The following ZNF704 variants were observed in gnomAD, a reference collection of about 807,000 sequenced individuals.
ZNF704 encodes glucocorticoid induced gene 1.
Under a neutral mutation model 44.7 loss-of-function variants are expected in ZNF704, and 10 were observed. That is an observed-to-expected ratio of 0.22 (90% CI 0.14 to 0.38). The LOEUF (loss-of-function observed/expected upper bound fraction) is 0.38, where lower values mean the gene tolerates loss of function less well. Ranked by LOEUF, ZNF704 falls within the 10% of genes least tolerant of loss-of-function variation. ZNF704 has a pLI of 1.00. For missense variants in ZNF704, 390 were observed against 545.5 expected (o/e 0.71, Z 2.84); for synonymous variants, 211 against 207.6 (o/e 1.02, Z -0.14).
rs187727341 is a variant in ZNF704, at chr8:80,754,997, C to A, written c.222-61890G>T. ...TAGTAAATTAGTAAAAAATTAACAA[C>A]AATTAGCAGAAGATAATAGGGTAAA... On this transcript the variant is annotated intron_variant, in intron 2 of 8. Coordinates refer to ENST00000327835, the MANE Select transcript of ZNF704 (RefSeq NM_001033723.3). Among the ~76,000 whole-genome samples the A allele has an allele frequency of 3.2e-4, 48 of 152,224 alleles. 1 individual carries two copies. In the East Asian group the frequency reaches 8.9e-3, roughly 28 times the overall value.
chr8:80,652,596 C>T (rs1344722691), intron 7 of ZNF704, among the ~76,000 whole-genome samples: 1 of 152,176 alleles, frequency 6.6e-6, no homozygotes, highest in Non-Finnish European at 1.5e-5. Context: ...TCGACACACA[C>T]ACCCTCCCAA....
At chr8:80,800,474 C>T (rs1482080617) in intron 2 of ZNF704, among the ~76,000 whole-genome samples, 3 of 152,166 alleles carry the variant, frequency 2.0e-5, no homozygotes, top group African/African-American at 7.2e-5. Flanking sequence ...TCAGCAGAAA[C>T]CGTACAAGCC....
intron 1 of ZNF704, among the ~76,000 whole-genome samples, chr8:80,837,910 T>C (rs1167904540): frequency 3.3e-5 from 5 of 152,126 alleles, no homozygotes; most frequent in African/African-American, 9.7e-5. Flanking sequence ...AACATCTATC[T>C]TTGACTTTTC....
intron 1 of ZNF704, among the ~76,000 whole-genome samples, chr8:80,863,042 C>T (rs1809096025): frequency 6.6e-6 from 1 of 151,850 alleles, no homozygotes; most frequent in Admixed American, 6.6e-5. Flanking sequence ...TCCATTTCCC[C>T]CCCTTTTCTG....
At chr8:80,695,600 C>G (rs999264577) in intron 2 of ZNF704, among the ~76,000 whole-genome samples, 1 of 152,124 alleles carries the variant, frequency 6.6e-6, no homozygotes, top group African/African-American at 2.4e-5. Flanking sequence ...TGCTTTGTAT[C>G]TTTTTTGATT....
chr8:80,859,877 G>C (rs1809029779), intron 1 of ZNF704, among the ~76,000 whole-genome samples: 1 of 152,056 alleles, frequency 6.6e-6, no homozygotes, highest in Admixed American at 6.6e-5. Context: ...GTGAGAATGA[G>C]GCTTGCATTT....
intron 1 of ZNF704, among the ~76,000 whole-genome samples, chr8:80,852,421 C>T (rs1808880778): frequency 6.6e-6 from 1 of 152,184 alleles, no homozygotes; most frequent in African/African-American, 2.4e-5. Context: ...TTAATAATTT[C>T]TGTTGCCAAT....
chr8:80,764,150 G>A (rs957062836), intron 2 of ZNF704, among the ~76,000 whole-genome samples: 3 of 152,018 alleles, frequency 2.0e-5, no homozygotes, highest in African/African-American at 7.2e-5. Flanking sequence ...TACATTTTTG[G>A]GTAGTGGCAG....
chr8:80,656,116 G>A (rs770830333), intron 7 of ZNF704, among the ~76,000 whole-genome samples: 3 of 152,200 alleles, frequency 2.0e-5, no homozygotes, highest in African/African-American at 7.2e-5. Flanking sequence ...AGAGGCTGGT[G>A]CATTCCTCCA....
At chr8:80,658,209 G>T (rs1029326210) in intron 7 of ZNF704, among the ~76,000 whole-genome samples, 2 of 152,124 alleles carry the variant, frequency 1.3e-5, no homozygotes, top group African/African-American at 2.4e-5. Context: ...TGAGCAACAT[G>T]GTGTATGCTT....
At chr8:80,859,882 G>C (rs1809029886) in intron 1 of ZNF704, among the ~76,000 whole-genome samples, 1 of 152,096 alleles carries the variant, frequency 6.6e-6, no homozygotes, top group Non-Finnish European at 1.5e-5. Flanking sequence ...AATGAGGCTT[G>C]CATTTATATA....
rs534010920 is a variant in ZNF704, at chr8:80,664,696, T to C, written c.927+119A>G. 6.4e-6 allele frequency: 8 copies of C among 1,247,874 alleles called. No individual in the cohort carries two copies. The East Asian group carries it at 1.4e-4, about 22-fold the overall frequency. 77.3% of individuals were successfully genotyped at this position (1,247,874 alleles called of 1,614,324 possible). On this transcript the variant is annotated intron_variant, in intron 6 of 8. Transcript: ENST00000327835. ...GCTTTAAAGGGAGAAAAATCAAAGC[T>C]ACCGGGCTGCCGTGTGTGATGCTGT...
At chr8:80,676,585 GT>G (rs1818369307) in intron 4 of ZNF704, among the ~76,000 whole-genome samples, 1 of 152,230 alleles carries the variant, frequency 6.6e-6, no homozygotes, top group Non-Finnish European at 1.5e-5. Context: ...GAGGCAGGAA[GT>G]GGGGTCAGAA....
chr8:80,850,207 G>A (rs978116130), intron 1 of ZNF704, among the ~76,000 whole-genome samples: 2 of 151,926 alleles, frequency 1.3e-5, no homozygotes, highest in African/African-American at 2.4e-5. Flanking sequence ...TGCTTGGTAT[G>A]GAATTAAATT....
chr8:80,832,471 C>T (rs986796880), intron 1 of ZNF704, among the ~76,000 whole-genome samples: 11 of 152,170 alleles, frequency 7.2e-5, no homozygotes, highest in African/African-American at 2.7e-4. Flanking sequence ...CCTTAATCCT[C>T]ACACTTTTCT....
chr8:80,773,498 T>C (rs1001188779), intron 2 of ZNF704, among the ~76,000 whole-genome samples: 7 of 152,224 alleles, frequency 4.6e-5, no homozygotes, highest in Non-Finnish European at 7.3e-5. Context: ...CCATCAAACA[T>C]AATTTAGTAA....
chr8:80,882,213 T>G, the ZNF704 span, among the ~76,000 whole-genome samples: 1 of 152,334 alleles, frequency 6.6e-6, no homozygotes, highest in Non-Finnish European at 1.5e-5. Flanking sequence ...ACGAAAGAGT[T>G]TGCTGCAATG....
chr8:80,659,328 C>CA (rs1386348582), intron 7 of ZNF704, among the ~76,000 whole-genome samples: 1 of 152,106 alleles, frequency 6.6e-6, no homozygotes, highest in Non-Finnish European at 1.5e-5. Context: ...TACCAACACA[C>CA]AAAAAATCTT....
In ZNF704 at chr8:80,788,767, G is replaced by C. The variant is rs142149939; in HGVS notation, c.221+32607C>G. 2.0e-3 allele frequency among the ~76,000 whole-genome samples: 300 copies of C among 152,180 alleles called. 4 individuals carry two copies. Among genetic ancestry groups the C allele is most frequent in the Admixed American group, 0.018 (280 of 15,292 alleles). On this transcript the variant is annotated intron_variant, in intron 2 of 8. Coordinates refer to ENST00000327835, the MANE Select transcript of ZNF704 (RefSeq NM_001033723.3). ...CTTTAAGATTTTTTATTACCTGAAGGGGGGAAAACAAATTTGTTTAAGCCA... is the reference window on the plus strand; with the variant it reads ...CTTTAAGATTTTTTATTACCTGAAGCGGGGAAAACAAATTTGTTTAAGCCA...
Sources: allele counts gnomAD v4.1 joint callset (sites outside exome capture counted in the v4.1 genomes callset), GRCh38; gene constraint gnomAD v4.1.1; transcripts MANE v1.5; gene names NCBI Gene and HGNC (gene_info 2026-07-23, HGNC 2026-07-21).